TBX15: variants seen among roughly 807,000 people sequenced by gnomAD.
TBX15 encodes the protein T-box transcription factor 15.
TBX15 carries 18 observed loss-of-function variants against 53.9 expected under a neutral mutation model. The observed-to-expected ratio is 0.33, with a 90% confidence interval of 0.23 to 0.49. The LOEUF (loss-of-function observed/expected upper bound fraction) is 0.49. Among genes scored for constraint, TBX15 ranks in the 20% least tolerant of loss-of-function variants. The pLI is 0.98. For synonymous variants in TBX15, 295 were observed against 278.0 expected (o/e 1.06, Z -0.61); for missense variants, 692 against 749.5 (o/e 0.92, Z 0.90).
intron 7 of TBX15, among the ~76,000 whole-genome samples, chr1:118,887,019 G>A (rs1653967149): frequency 6.6e-6 from 1 of 152,156 alleles, no homozygotes; most frequent in African/African-American, 2.4e-5. Context: ...TGACCTTTAC[G>A]AGCCTCCTCT....
At chr1:118,894,567 G>C (rs1382512933) in intron 7 of TBX15, among the ~76,000 whole-genome samples, 1 of 152,154 alleles carries the variant, frequency 6.6e-6, no homozygotes, top group African/African-American at 2.4e-5. Context: ...AAGACATTAA[G>C]GTCATGCAGT....
chr1:118,934,708 T>C (rs1039148787), intron 1 of TBX15, among the ~76,000 whole-genome samples: 3 of 152,142 alleles, frequency 2.0e-5, no homozygotes, highest in Non-Finnish European at 4.4e-5. Flanking sequence ...TTACATACTG[T>C]CTCAGATGTC....
chr1:118,960,609 A>C (rs1010303219), intron 1 of TBX15, among the ~76,000 whole-genome samples: 4 of 152,228 alleles, frequency 2.6e-5, no homozygotes, highest in African/African-American at 9.6e-5. Flanking sequence ...GAATGGCTGC[A>C]GGGAAGGCCT....
At chr1:118,926,429 A>G in intron 3 of TBX15, 81 bp downstream of exon 3, 3 of 1,264,790 alleles carry the variant, frequency 2.4e-6, no homozygotes, top group Non-Finnish European at 3.4e-6. Context: ...GCATTGCTAA[A>G]CTATTTCCTC....
rs576003584 is a variant in TBX15, at chr1:118,893,376, A to G, written c.1024+5652T>C. Among the ~76,000 whole-genome samples, 645 of 114,890 alleles carry G rather than the reference A, an allele frequency of 5.6e-3. 8 individuals are homozygous for G. Among genetic ancestry groups the G allele is most frequent in the Non-Finnish European group, 6.9e-3 (373 of 54,022 alleles). 75.4% of individuals were successfully genotyped at this position (114,890 alleles called of 152,430 possible). On this transcript the variant is annotated intron_variant, in intron 7 of 7. Transcript: ENST00000369429. ...AGGAAGGAAAGAAAGAAAGAAAGAAAGAAAGAAAGAAAGAAAGAAAGAAAG... is the reference window on the plus strand; with the variant it reads ...AGGAAGGAAAGAAAGAAAGAAAGAAGGAAAGAAAGAAAGAAAGAAAGAAAG...
intron 6 of TBX15, among the ~76,000 whole-genome samples, chr1:118,900,119 A>T (rs1654571595): frequency 6.6e-6 from 1 of 152,182 alleles, no homozygotes; most frequent in African/African-American, 2.4e-5. Context: ...TTTCTTTAAA[A>T]AAAAAACTGC....
Position 118,899,067 on chromosome 1 carries a change from G to A in TBX15, c.985C>T (p.Leu329Phe). Reference sequence around the variant, plus strand: ...ATGGTGGTGAAGTCTTCGAAGGTGAGTGTGCGCACAGGAGGTCTCCAGAAT... The same window carrying A: ...ATGGTGGTGAAGTCTTCGAAGGTGAATGTGCGCACAGGAGGTCTCCAGAAT... ...YAFWRPPVRT[L>F]TFEDFTTMQK... Residue 329 changes from leucine (L) to phenylalanine (F), a missense_variant, in exon 7 of 8, where the codon CTC (leucine) becomes TTC (phenylalanine). This residue lies in a region of TBX15 where 375 missense variants were observed against 371.6 expected (regional missense o/e 1.01). Transcript: ENST00000369429. 1 of 1,613,672 alleles carries A rather than the reference G, an allele frequency of 6.2e-7. No homozygotes were observed. Among genetic ancestry groups the A allele is most frequent in the Non-Finnish European group, 8.5e-7 (1 of 1,179,746 alleles).
chr1:118,953,778 G>A (rs1656595008), intron 1 of TBX15, among the ~76,000 whole-genome samples: 1 of 152,168 alleles, frequency 6.6e-6, no homozygotes, highest in Non-Finnish European at 1.5e-5. Flanking sequence ...ATTTTTTGAT[G>A]AATGTTCTTT....
At chr1:118,931,450 C>T (rs1297851872) in intron 2 of TBX15, among the ~76,000 whole-genome samples, 169 bp downstream of exon 2, 1 of 152,188 alleles carries the variant, frequency 6.6e-6, no homozygotes, top group African/African-American at 2.4e-5. Flanking sequence ...AATACAATCA[C>T]AACAAACACA....
At chr1:118,974,764 A>G (rs1382964388) in intron 1 of TBX15, among the ~76,000 whole-genome samples, 1 of 152,190 alleles carries the variant, frequency 6.6e-6, no homozygotes, top group Non-Finnish European at 1.5e-5. Flanking sequence ...CAGAGCAGTC[A>G]CTCAGAGGTT....
At chr1:118,951,217 C>A (rs938798701) in intron 1 of TBX15, among the ~76,000 whole-genome samples, 2 of 152,156 alleles carry the variant, frequency 1.3e-5, no homozygotes, top group Middle Eastern at 3.2e-3. Context: ...CAGAAATGTT[C>A]AAACTCCAAC....
chr1:118,893,329 G>A lies in TBX15; in HGVS notation c.1024+5699C>T, dbSNP rs368900017. Among the ~76,000 whole-genome samples, 27 of 61,902 alleles carry A rather than the reference G, an allele frequency of 4.4e-4. 1 individual carries two copies. Among genetic ancestry groups the A allele is most frequent in the African/African-American group, 1.9e-3 (19 of 9,776 alleles). The allele number at this position is 61,902 out of a possible 152,430, so 40.6% of individuals were successfully genotyped here. On this transcript the variant is annotated intron_variant, in intron 7 of 7. Coordinates refer to ENST00000369429, the MANE Select transcript of TBX15 (RefSeq NM_001330677.2). ...AGGAAGGAAGGAAAGAAAGAAAGAA[G>A]AAAGAAGGAAGGAAGGAAGGAAGGA...
intron 5 of TBX15, among the ~76,000 whole-genome samples, chr1:118,914,868 A>G (rs573831256): frequency 1.9e-4 from 29 of 152,334 alleles, no homozygotes; most frequent in African/African-American, 6.5e-4. Context: ...CTCACAAGCA[A>G]ATCAGAAACA....
chr1:118,987,531 G>A, intron 1 of TBX15, 60 bp downstream of exon 1: 1 of 1,508,820 alleles, frequency 6.6e-7, no homozygotes, highest in Non-Finnish European at 8.8e-7. Flanking sequence ...CGCGACCGGC[G>A]ACTGGCCCTT....
At chr1:118,959,915 G>A (rs905008086) in intron 1 of TBX15, among the ~76,000 whole-genome samples, 10 of 152,034 alleles carry the variant, frequency 6.6e-5, no homozygotes, top group East Asian at 1.9e-4. Context: ...TTTCACCTGC[G>A]GCTTCCCAGA....
intron 2 of TBX15, among the ~76,000 whole-genome samples, chr1:118,931,135 T>G (rs1655768436): frequency 6.6e-6 from 1 of 152,254 alleles, no homozygotes; most frequent in African/African-American, 2.4e-5. Flanking sequence ...TAAAGTTGTG[T>G]AATAATTTCA....
At chr1:118,902,647 A>T (rs1654669994) in intron 6 of TBX15, among the ~76,000 whole-genome samples, 1 of 152,158 alleles carries the variant, frequency 6.6e-6, no homozygotes, top group African/African-American at 2.4e-5. Context: ...TTGTGCCTTT[A>T]TTAACTTCAG....
intron 6 of TBX15, among the ~76,000 whole-genome samples, chr1:118,911,477 A>T (rs928948321): frequency 6.6e-6 from 1 of 152,232 alleles, no homozygotes; most frequent in African/African-American, 2.4e-5. Flanking sequence ...TGCCCTGAGC[A>T]GTAAGACAGT....
At chr1:118,895,688 T>C (rs1169295306) in intron 7 of TBX15, among the ~76,000 whole-genome samples, 1 of 152,052 alleles carries the variant, frequency 6.6e-6, no homozygotes, top group Non-Finnish European at 1.5e-5. Flanking sequence ...CTCTCTGGAC[T>C]CTCCAAACAC....
Sources: allele counts gnomAD v4.1 joint callset (sites outside exome capture counted in the v4.1 genomes callset), GRCh38; gene constraint gnomAD v4.1.1; regional missense constraint gnomAD v4.1.1; transcripts MANE v1.5; gene names NCBI Gene and HGNC (gene_info 2026-07-23, HGNC 2026-07-21).